CNTN6: variants seen among roughly 807,000 people sequenced by gnomAD.
CNTN6 encodes contactin 6.
A neutral mutation model predicts 122.8 loss-of-function variants in CNTN6; 137 were observed. The observed-to-expected ratio is 1.12, with a 90% CI of 0.97 to 1.29. The LOEUF (loss-of-function observed/expected upper bound fraction) is 1.29. CNTN6 is among the 50% of genes most tolerant of loss of function. The probability of loss-of-function intolerance (pLI) is 0.00; values close to 1 mark genes in which losing one functional copy is unlikely to be tolerated. For synonymous variants in CNTN6, 570 were observed against 426.0 expected (o/e 1.34, Z -4.16); for missense variants, 1,634 against 1,223.4 (o/e 1.34, Z -5.01).
Position 1,403,381 on chromosome 3 carries a change from T to C in CNTN6, c.3050T>C (p.Val1017Ala). Residue 1017 changes from valine (V) to alanine (A), a missense_variant, in exon 23 of 23, where the codon GTG (valine) becomes GCG (alanine). Val to Ala is a moderately conservative substitution (Grantham distance 64). Transcript: ENST00000446702. Reference protein sequence around the residue: ...PSTHFLSIVIVIFHCFAIQPL... With the variant: ...PSTHFLSIVIAIFHCFAIQPL... ...ACCCATTTTCTTTCCATTGTCATTG[T>C]GATTTTTCACTGTTTTGCTATTCAG... 1 of 1,611,674 alleles carries C rather than the reference T, an allele frequency of 6.2e-7. No individual in the cohort carries two copies. Among genetic ancestry groups the C allele is most frequent in the Non-Finnish European group, 8.5e-7 (1 of 1,178,678 alleles).
At chr3:1,281,611 C>G (rs368313474) in intron 5 of CNTN6, among the ~76,000 whole-genome samples, 1 of 152,022 alleles carries the variant, frequency 6.6e-6, no homozygotes, top group African/African-American at 2.4e-5. Flanking sequence ...ACCACAGGCA[C>G]GTGCCACCAT....
chr3:1,320,720 ATTAGT>A (rs982566731), intron 7 of CNTN6, among the ~76,000 whole-genome samples: 3 of 151,772 alleles, frequency 2.0e-5, no homozygotes, highest in African/African-American at 7.2e-5. Flanking sequence ...TTTACAATTC[ATTAGT>A]TTAGTAGTGA....
chr3:1,136,261 G>C (rs2092469945), intron 1 of CNTN6, among the ~76,000 whole-genome samples: 1 of 152,124 alleles, frequency 6.6e-6, no homozygotes, highest in Non-Finnish European at 1.5e-5. Context: ...GAGATTCTAA[G>C]ACTTACTCAA....
chr3:1,399,689 A>G (rs1046079584), intron 20 of CNTN6, among the ~76,000 whole-genome samples: 1 of 152,038 alleles, frequency 6.6e-6, no homozygotes, highest in African/African-American at 2.4e-5. Flanking sequence ...AGATCACCAC[A>G]GGGCCCTGAA....
chr3:1,168,810 GA>G (rs773395134), intron 2 of CNTN6, among the ~76,000 whole-genome samples: 8 of 151,638 alleles, frequency 5.3e-5, no homozygotes, highest in Non-Finnish European at 1.2e-4. Flanking sequence ...AGTTAATGAT[GA>G]GCAAAAAAAG....
chr3:1,118,036 T>A (rs2091797728), intron 1 of CNTN6, among the ~76,000 whole-genome samples: 1 of 152,184 alleles, frequency 6.6e-6, no homozygotes, highest in South Asian at 2.1e-4. Flanking sequence ...AGGCCCGCTG[T>A]TGAAGAAAGG....
intron 2 of CNTN6, among the ~76,000 whole-genome samples, chr3:1,169,312 G>T (rs981517017): frequency 1.3e-5 from 2 of 152,208 alleles, no homozygotes; most frequent in African/African-American, 4.8e-5. Context: ...GCTAGAGGCT[G>T]TGGTCAGGTG....
chr3:1,095,689 T>C (rs2090489786), intron 1 of CNTN6, among the ~76,000 whole-genome samples: 1 of 152,220 alleles, frequency 6.6e-6, no homozygotes, highest in African/African-American at 2.4e-5. Context: ...TTTGAAGATT[T>C]TTTTGGATGC....
chr3:1,377,009 T>A lies in CNTN6; in HGVS notation c.2100T>A (p.Pro700=), dbSNP rs374089773. ...ATTTCTCTTGGTTATTTTTAGTCCC[T>A]GTTGTGGCACCAGTAAACATCCATG... ...SELLRTKASV[P]VVAPVNIHGG... is the part of the protein sequence containing the mutation. Residue 700 remains proline (P), a synonymous_variant, in exon 17 of 23, where the codon CCT becomes CCA. Transcript: ENST00000446702. 6.3e-7 allele frequency: 1 copy of A among 1,594,648 alleles called. No individual in the cohort carries two copies. Among genetic ancestry groups the A allele is most frequent in the Non-Finnish European group, 8.6e-7 (1 of 1,169,100 alleles).
chr3:1,323,489 T>A (rs265794), intron 8 of CNTN6, among the ~76,000 whole-genome samples: 1,845 of 151,864 alleles, frequency 0.012, 44 homozygotes, highest in African/African-American at 0.043. Context: ...ATTAATTCAC[T>A]TTCTGAAGTG....
intron 1 of CNTN6, among the ~76,000 whole-genome samples, chr3:1,095,974 G>C (rs185440525): frequency 2.1e-4 from 32 of 152,188 alleles, no homozygotes; most frequent in Middle Eastern, 3.4e-3. Flanking sequence ...TTAGATTTCA[G>C]TAAGTAGTAC....
intron 2 of CNTN6, among the ~76,000 whole-genome samples, chr3:1,177,651 C>T (rs1240991339): frequency 2.6e-5 from 4 of 152,078 alleles, no homozygotes; most frequent in African/African-American, 7.2e-5. Flanking sequence ...GATACTTTCA[C>T]TGGGTATAGA....
chr3:1,189,445 T>G (rs1273632461), intron 2 of CNTN6, among the ~76,000 whole-genome samples: 1 of 152,208 alleles, frequency 6.6e-6, no homozygotes, highest in East Asian at 1.9e-4. Flanking sequence ...TCTTTGGAAT[T>G]TGCAGAAGTT....
chr3:1,344,934 C>G (rs1704443125), intron 11 of CNTN6, among the ~76,000 whole-genome samples: 1 of 152,034 alleles, frequency 6.6e-6, no homozygotes, highest in East Asian at 1.9e-4. Context: ...GATCATGTCT[C>G]TCTTGAGACA....
intron 12 of CNTN6, among the ~76,000 whole-genome samples, chr3:1,366,331 T>C (rs1018521442): frequency 6.6e-6 from 1 of 152,152 alleles, no homozygotes; most frequent in Admixed American, 6.6e-5. Flanking sequence ...TTCCTCCTTT[T>C]TAATTTGTTA....
chr3:1,391,240 C>T (rs1694095219), intron 20 of CNTN6, among the ~76,000 whole-genome samples: 1 of 112,426 alleles, frequency 8.9e-6, no homozygotes, highest in Admixed American at 9.5e-5. Context: ...GGATGCAAGG[C>T]TGGTTCAATA....
At chr3:1,098,175 T>C (rs919170958) in intron 1 of CNTN6, among the ~76,000 whole-genome samples, 45 of 152,122 alleles carry the variant, frequency 3.0e-4, no homozygotes, top group African/African-American at 9.6e-4. Context: ...GCATGTCACA[T>C]GTATACATAT....
At chr3:1,259,786 C>G (rs1444438536) in intron 4 of CNTN6, among the ~76,000 whole-genome samples, 1 of 152,066 alleles carries the variant, frequency 6.6e-6, no homozygotes, top group African/African-American at 2.4e-5. Flanking sequence ...ATTAAATTAC[C>G]TAATGTAGAC....
At chr3:1,208,857 G>A (rs1472466491) in intron 2 of CNTN6, among the ~76,000 whole-genome samples, 3 of 152,126 alleles carry the variant, frequency 2.0e-5, no homozygotes. Context: ...TATTATTTGA[G>A]TGTCAGCTTC....
Sources: allele counts gnomAD v4.1 joint callset (sites outside exome capture counted in the v4.1 genomes callset), GRCh38; gene constraint gnomAD v4.1.1; transcripts MANE v1.5; gene names NCBI Gene and HGNC (gene_info 2026-07-23, HGNC 2026-07-21).